RANBP9: variants seen among roughly 807,000 people sequenced by gnomAD.
The protein encoded by RANBP9 is ran-binding protein 9.
RANBP9 carries 15 observed loss-of-function variants against 84.3 expected under a neutral mutation model. The ratio of observed to expected loss-of-function variants is 0.18; its 90% confidence interval spans 0.12 to 0.27. The LOEUF is 0.27. Ranked by LOEUF, RANBP9 falls within the 10% of genes least tolerant of loss-of-function variation. The probability of loss-of-function intolerance (pLI) is 1.00; values close to 1 mark genes in which losing one functional copy is unlikely to be tolerated. For missense variants in RANBP9, 809 were observed against 912.8 expected, an observed-to-expected ratio of 0.89 and a Z score of 1.46; for synonymous variants, 392 against 349.6, an observed-to-expected ratio of 1.12 and a Z score of -1.35.
intron 9 of RANBP9, among the ~76,000 whole-genome samples, chr6:13,639,039 G>A (rs2127764277): frequency 6.6e-6 from 1 of 152,240 alleles, no homozygotes; most frequent in Non-Finnish European, 1.5e-5. Flanking sequence ...CTTTCATTTA[G>A]GAAGGTCTGC....
At chr6:13,625,815 G>A (rs765414679) in intron 12 of RANBP9, 51 bp from the exon 13 acceptor site, 6 of 1,282,706 alleles carry the variant, frequency 4.7e-6, no homozygotes. Context: ...CAACTATTAT[G>A]CTCACAAATG....
intron 2 of RANBP9, among the ~76,000 whole-genome samples, chr6:13,666,406 C>A (rs1011939537): frequency 6.6e-6 from 1 of 151,654 alleles, no homozygotes; most frequent in Non-Finnish European, 1.5e-5. Flanking sequence ...GCACAGCATG[C>A]AAAAATGTCA....
At chr6:13,672,912 G>A (rs1165560126) in intron 2 of RANBP9, among the ~76,000 whole-genome samples, 1 of 151,550 alleles carries the variant, frequency 6.6e-6, no homozygotes, top group Non-Finnish European at 1.5e-5. Flanking sequence ...GAGAATGGAG[G>A]ACAACTATAA....
At chr6:13,656,591 CTTGT>C (rs1160355773) in intron 4 of RANBP9, among the ~76,000 whole-genome samples, 1 of 152,016 alleles carries the variant, frequency 6.6e-6, no homozygotes, top group African/African-American at 2.4e-5. Flanking sequence ...TCACTGTTTG[CTTGT>C]TTAATTCTGC....
intron 6 of RANBP9, among the ~76,000 whole-genome samples, chr6:13,644,002 TCTG>T (rs1447557174): frequency 2.0e-5 from 3 of 152,206 alleles, no homozygotes; most frequent in African/African-American, 7.2e-5. Context: ...TATCTGAAAG[TCTG>T]CTATTTTCTT....
intron 1 of RANBP9, among the ~76,000 whole-genome samples, chr6:13,705,337 G>A (rs1758077365): frequency 7.1e-6 from 1 of 141,806 alleles, no homozygotes; most frequent in Non-Finnish European, 1.5e-5. Flanking sequence ...CCAGGAGATG[G>A]AGGTTGCAGT....
chr6:13,682,327 T>G (rs1766062568), intron 2 of RANBP9, among the ~76,000 whole-genome samples: 1 of 150,172 alleles, frequency 6.7e-6, no homozygotes, highest in African/African-American at 2.5e-5. Context: ...TTACTTCAAG[T>G]GACTTTAAAA....
intron 2 of RANBP9, among the ~76,000 whole-genome samples, chr6:13,688,128 T>C (rs191621815): frequency 6.6e-6 from 1 of 152,344 alleles, no homozygotes; most frequent in African/African-American, 2.4e-5. Context: ...TCTTATGAGG[T>C]TGGCACTATT....
chr6:13,686,297 A>AT (rs1766185850), intron 2 of RANBP9, among the ~76,000 whole-genome samples: 1 of 151,088 alleles, frequency 6.6e-6, no homozygotes, highest in South Asian at 2.1e-4. Flanking sequence ...TTATTTATTT[A>AT]TTTTTTGAGA....
At chr6:13,643,812 A>C (rs1220642290) in intron 6 of RANBP9, among the ~76,000 whole-genome samples, 1 of 152,200 alleles carries the variant, frequency 6.6e-6, no homozygotes, top group East Asian at 1.9e-4. Context: ...ACTAGTGTCC[A>C]ATCTCTGTAA....
chr6:13,660,746 CTAT>C (rs1243198857), intron 2 of RANBP9, among the ~76,000 whole-genome samples: 1 of 152,162 alleles, frequency 6.6e-6, no homozygotes, highest in African/African-American at 2.4e-5. Context: ...AATATTACTA[CTAT>C]GAGCATATGC....
rs150802172 is a variant in RANBP9 at position 13,639,124 on chromosome 6, T to C, written c.1525+439A>G. ...AGAACATGTCAATCTGAACCTACAA[T>C]TTTTCACCCAGAAAAATCTTAAGTA... On this transcript the variant is annotated intron_variant, in intron 9 of 13. Coordinates refer to ENST00000011619, the MANE Select transcript of RANBP9 (RefSeq NM_005493.3). Among the ~76,000 whole-genome samples the C allele has an allele frequency of 6.8e-3, 1,032 of 152,226 alleles. 10 individuals are homozygous for C. Among genetic ancestry groups the C allele is most frequent in the African/African-American group, 0.022 (918 of 41,526 alleles).
intron 2 of RANBP9, among the ~76,000 whole-genome samples, chr6:13,671,271 G>A (rs1035078393): frequency 4.0e-5 from 6 of 151,824 alleles, no homozygotes; most frequent in Non-Finnish European, 8.8e-5. Flanking sequence ...TTAATCATAG[G>A]GTATCTATGA....
intron 1 of RANBP9, among the ~76,000 whole-genome samples, chr6:13,698,136 T>G (rs775939425): frequency 2.0e-5 from 3 of 152,150 alleles, no homozygotes; most frequent in Non-Finnish European, 4.4e-5. Flanking sequence ...AATTAGTACA[T>G]GTTCACACCC....
intron 2 of RANBP9, among the ~76,000 whole-genome samples, chr6:13,681,198 T>C (rs142096060): frequency 6.6e-6 from 1 of 152,290 alleles, no homozygotes; most frequent in East Asian, 1.9e-4. Context: ...TTATATAACA[T>C]TCTGGCTTCA....
intron 2 of RANBP9, among the ~76,000 whole-genome samples, chr6:13,677,483 A>G (rs1038755435): frequency 3.9e-5 from 6 of 152,134 alleles, no homozygotes; most frequent in African/African-American, 1.4e-4. Flanking sequence ...ATCTTACAAG[A>G]CCTAAAAATT....
chr6:13,689,601 T>C (rs1766277622), intron 2 of RANBP9, among the ~76,000 whole-genome samples: 1 of 152,132 alleles, frequency 6.6e-6, no homozygotes, highest in Non-Finnish European at 1.5e-5. Flanking sequence ...CTCTTCCTTA[T>C]AATCCAAGTC....
At chr6:13,652,743 C>T (rs1263632130) in intron 4 of RANBP9, 62 bp from the exon 5 acceptor site, 1 of 1,381,370 alleles carries the variant, frequency 7.2e-7, no homozygotes, top group Non-Finnish European at 1.0e-6. Flanking sequence ...TACTGACAAG[C>T]TGAATTTCTA....
In RANBP9 at chr6:13,654,083, A is replaced by G. The variant is rs1367725526; in HGVS notation, c.905-1402T>C. ...ACACTGTATATTCTATCTTTAGCAA[A>G]AATCCTTTGTCTGTAATTACTGAAA... On this transcript the variant is annotated intron_variant, in intron 4 of 13. Coordinates refer to ENST00000011619, the MANE Select transcript of RANBP9 (RefSeq NM_005493.3). 7.2e-5 allele frequency among the ~76,000 whole-genome samples: 11 copies of G among 152,270 alleles called. No homozygotes were observed. The East Asian group carries it at 2.1e-3, about 29-fold the overall frequency.
Sources: gnomAD v4.1 joint callset for allele counts (sites outside exome capture counted in the v4.1 genomes callset) on GRCh38, gnomAD v4.1.1 for gene constraint, MANE v1.5 for transcripts, NCBI Gene and HGNC (gene_info 2026-07-23, HGNC 2026-07-21) for gene names.